Variants in HS6ST1 observed in about 807,000 individuals in gnomAD.
HS6ST1 encodes the protein heparan sulfate 6-O-sulfotransferase 1.
HS6ST1 carries 3 observed loss-of-function variants against 25.2 expected under a neutral mutation model. The observed-to-expected ratio is 0.12, with a 90% CI of 0.05 to 0.31. The LOEUF (loss-of-function observed/expected upper bound fraction) is 0.31, where lower values mean the gene tolerates loss of function less well. Among genes scored for constraint, HS6ST1 ranks in the 10% least tolerant of loss-of-function variants. The pLI, the probability that HS6ST1 is intolerant of heterozygous loss-of-function variation, is 1.00. For missense variants in HS6ST1, 310 were observed against 609.6 expected, an observed-to-expected ratio of 0.51 and a Z score of 5.18; for synonymous variants, 204 against 275.1, an observed-to-expected ratio of 0.74 and a Z score of 2.56.
rs117038248 is a variant in HS6ST1 at position 128,305,069 on chromosome 2, C to G, written c.527+12968G>C. On this transcript the variant is annotated intron_variant, in intron 1 of 1. Coordinates refer to ENST00000259241, the MANE Select transcript of HS6ST1 (RefSeq NM_004807.3). Reference sequence around the variant, plus strand: ...ATGAGGGCCTCCTAAGCTCTCCATTCTGGATTCTCCAGCCTTTGCTGGCCT... The same window carrying G: ...ATGAGGGCCTCCTAAGCTCTCCATTGTGGATTCTCCAGCCTTTGCTGGCCT... Among the ~76,000 whole-genome samples the G allele has an allele frequency of 6.2e-4, 95 of 152,366 alleles. 1 individual carries two copies. In the East Asian group the frequency reaches 0.018, roughly 29 times the overall value.
chr2:128,318,029 G>GCGCT lies in HS6ST1; in HGVS notation c.527+4_527+7dup, dbSNP rs1573714312. 6.7e-7 allele frequency: 1 copy of GCGCT among 1,488,824 alleles called. No homozygotes were observed. Among genetic ancestry groups the GCGCT allele is most frequent in the African/African-American group, 1.5e-5 (1 of 68,332 alleles). 92.2% of individuals were successfully genotyped at this position (1,488,824 alleles called of 1,614,324 possible). Reference sequence around the variant, plus strand: ...GCTGCGCGAGGATCCCGCCGCCCGGGCGCTCACCTGGGCGTGCGCAGCGCG... The same window carrying GCGCT: ...GCTGCGCGAGGATCCCGCCGCCCGGGCGCTCGCTCACCTGGGCGTGCGCAGCGCG... On this transcript the variant is annotated splice_region_variant and intron_variant, in intron 1 of 1. Transcript: ENST00000259241. This position sits in a 1 kb window ranked among gnomAD's most constrained non-coding sequence, Gnocchi z 5.7.
intron 1 of HS6ST1, among the ~76,000 whole-genome samples, chr2:128,303,659 T>C (rs1694167597): frequency 6.6e-6 from 1 of 152,184 alleles, no homozygotes; most frequent in Non-Finnish European, 1.5e-5. Context: ...ACATCCAGGC[T>C]GCCTGCTAAA....
intron 1 of HS6ST1, among the ~76,000 whole-genome samples, chr2:128,297,310 A>T (rs1303008908): frequency 6.6e-6 from 1 of 152,222 alleles, no homozygotes; most frequent in Non-Finnish European, 1.5e-5. Flanking sequence ...TGCTGGGGAA[A>T]CTGGATTTCC....
intron 1 of HS6ST1, among the ~76,000 whole-genome samples, chr2:128,294,801 GT>G (rs1199069671): frequency 3.3e-5 from 5 of 152,016 alleles, no homozygotes; most frequent in African/African-American, 1.2e-4. Flanking sequence ...AGGTACAGGG[GT>G]GTCAGCCTGG....
chr2:128,287,197 C>A (rs1010430945), intron 1 of HS6ST1, among the ~76,000 whole-genome samples: 1 of 152,232 alleles, frequency 6.6e-6, no homozygotes, highest in East Asian at 1.9e-4. Flanking sequence ...AAGCGCCCAA[C>A]CCCTCCTGGT....
chr2:128,284,318 C>T (rs1176815236), intron 1 of HS6ST1, among the ~76,000 whole-genome samples: 2 of 152,130 alleles, frequency 1.3e-5, no homozygotes, highest in Non-Finnish European at 2.9e-5. Context: ...ACCCTAGGGG[C>T]CTTCTCTTGC....
In HS6ST1 at chr2:128,268,266, G is replaced by A. The variant is rs556568945; in HGVS notation, c.1132C>T (p.Arg378Cys). The A allele has an allele frequency of 3.2e-5, 52 of 1,611,902 alleles. No individual in the cohort carries two copies. Among genetic ancestry groups the A allele is most frequent in the Middle Eastern group, 3.6e-4 (2 of 5,526 alleles). The change falls in exon 2 of 2, where the codon CGT (arginine) becomes TGT (cysteine). Residue 378 changes from arginine (R) to cysteine (C), a missense_variant. Around this residue, in one of 5 missense-constraint regions of HS6ST1, gnomAD observed 140 missense variants for 176.5 expected, o/e 0.79. Transcript: ENST00000259241. Reference sequence around the variant, plus strand: ...GCCTCCTTGGCCCGGTGCAGCAGACGCTCCTCGCGGCTCCTCAGGCGCTGC... The same window carrying A: ...GCCTCCTTGGCCCGGTGCAGCAGACACTCCTCGCGGCTCCTCAGGCGCTGC... ...REQRLRSREE[R>C]LLHRAKEALP...
chr2:128,316,066 T>C (rs1694358599), intron 1 of HS6ST1, among the ~76,000 whole-genome samples: 1 of 152,218 alleles, frequency 6.6e-6, no homozygotes, highest in Non-Finnish European at 1.5e-5. Context: ...TTTTCCATTC[T>C]TGCTCCACAC....
At position 128,316,819 on chromosome 2, in the gene HS6ST1, T is replaced by C. The variant is rs190974560; in HGVS notation, c.527+1218A>G. ...CCTGAGAAAGACCACAGAGCAAGGA[T>C]TGAGGTCTGTGCAGGGGAGCAGTGT... On this transcript the variant is annotated intron_variant, in intron 1 of 1. Transcript: ENST00000259241. Among the ~76,000 whole-genome samples the C allele has an allele frequency of 1.5e-3, 228 of 152,170 alleles. 5 individuals carry two copies. Among genetic ancestry groups the C allele is most frequent in the South Asian group, 0.011 (55 of 4,814 alleles).
At chr2:128,282,857 T>C (rs1223424062) in intron 1 of HS6ST1, among the ~76,000 whole-genome samples, 1 of 152,196 alleles carries the variant, frequency 6.6e-6, no homozygotes, top group African/African-American at 2.4e-5. Context: ...CAGCCCGGCA[T>C]GTTGGGCTCC....
chr2:128,297,887 T>C, intron 1 of HS6ST1, among the ~76,000 whole-genome samples: 1 of 152,118 alleles, frequency 6.6e-6, no homozygotes. Context: ...AAGGATAGTA[T>C]CAACAGAGTG....
intron 1 of HS6ST1, among the ~76,000 whole-genome samples, chr2:128,313,415 C>A (rs1053473671): frequency 6.6e-6 from 1 of 152,148 alleles, no homozygotes; most frequent in Non-Finnish European, 1.5e-5. Context: ...TGACAACAGA[C>A]AACATTTATG....
intron 1 of HS6ST1, among the ~76,000 whole-genome samples, chr2:128,293,371 C>T (rs1693989824): frequency 6.6e-6 from 1 of 152,266 alleles, no homozygotes. Context: ...TGAAGCATGA[C>T]CGTCACTCCC....
rs145334554 is a variant in HS6ST1, at chr2:128,279,751, G to A, written c.528-10881C>T. On this transcript the variant is annotated intron_variant, in intron 1 of 1. Transcript: ENST00000259241. ...TTCAAGGCTGCAGTGAGCTGTGATTGTGCGACTGCACTCCAACCTGGGCAA... is the reference window on the plus strand; with the variant it reads ...TTCAAGGCTGCAGTGAGCTGTGATTATGCGACTGCACTCCAACCTGGGCAA... Among the ~76,000 whole-genome samples, 1,293 of 152,302 alleles carry A rather than the reference G, an allele frequency of 8.5e-3. 15 individuals are homozygous for A. Among genetic ancestry groups the A allele is most frequent in the African/African-American group, 0.028 (1,177 of 41,560 alleles).
intron 1 of HS6ST1, among the ~76,000 whole-genome samples, chr2:128,276,882 C>A (rs531897882): frequency 6.6e-6 from 1 of 152,158 alleles, no homozygotes; most frequent in African/African-American, 2.4e-5. Flanking sequence ...CTACGAGCTA[C>A]GCTGCTGTGG....
At chr2:128,305,494 G>A (rs879513600) in intron 1 of HS6ST1, among the ~76,000 whole-genome samples, 2 of 152,198 alleles carry the variant, frequency 1.3e-5, no homozygotes, top group Non-Finnish European at 2.9e-5. Context: ...AGGAGGGGCC[G>A]AGCCCCTCCA....
intron 1 of HS6ST1, among the ~76,000 whole-genome samples, chr2:128,316,071 C>G (rs1222006171): frequency 6.6e-6 from 1 of 152,196 alleles, no homozygotes; most frequent in Admixed American, 6.5e-5. Context: ...CATTCTTGCT[C>G]CACACATGCT....
chr2:128,289,725 A>ACG (rs1373407564), intron 1 of HS6ST1: 1 of 152,164 alleles, frequency 6.6e-6, no homozygotes, highest in Non-Finnish European at 1.5e-5. Flanking sequence ...TCACAGCATG[A>ACG]CGCTCGGCAT....
chr2:128,275,305 G>A (rs1693676578), intron 1 of HS6ST1, among the ~76,000 whole-genome samples: 1 of 152,214 alleles, frequency 6.6e-6, no homozygotes, highest in Non-Finnish European at 1.5e-5. Flanking sequence ...TGGGTGGGGT[G>A]AGGACAGACT....
Sources: allele counts gnomAD v4.1 joint callset (sites outside exome capture counted in the v4.1 genomes callset), GRCh38; gene constraint gnomAD v4.1.1; regional missense constraint gnomAD v4.1.1; non-coding constraint Gnocchi (gnomAD v3.1); transcripts MANE v1.5; gene names NCBI Gene and HGNC (gene_info 2026-07-23, HGNC 2026-07-21).